Variants in CADM1 observed in about 807,000 individuals in gnomAD.
CADM1 encodes the protein cell adhesion molecule 1.
Under a neutral mutation model 53.1 loss-of-function variants are expected in CADM1, and 15 were observed. That is an observed-to-expected ratio of 0.28 (90% confidence interval 0.19 to 0.44). CADM1 has a LOEUF of 0.44. CADM1 is among the 20% of genes least tolerant of loss of function. CADM1 has a pLI of 1.00. For synonymous variants in CADM1, 281 were observed against 243.0 expected, an observed-to-expected ratio of 1.16 and a Z score of -1.45; for missense variants, 434 against 611.3, an observed-to-expected ratio of 0.71 and a Z score of 3.06.
intron 1 of CADM1, among the ~76,000 whole-genome samples, chr11:115,274,903 G>C (rs1371393539): frequency 1.3e-5 from 2 of 152,026 alleles, no homozygotes; most frequent in Non-Finnish European, 2.9e-5. Context: ...CTCCTGCCCT[G>C]GGTCCTCTAC....
chr11:115,445,464 T>C (rs1948427111), intron 1 of CADM1, among the ~76,000 whole-genome samples: 1 of 151,820 alleles, frequency 6.6e-6, no homozygotes, highest in African/African-American at 2.4e-5. Flanking sequence ...AAATCCATAA[T>C]AATGTTATAC....
intron 1 of CADM1, among the ~76,000 whole-genome samples, chr11:115,349,276 C>T (rs1275913294): frequency 6.6e-6 from 1 of 151,986 alleles, no homozygotes; most frequent in Non-Finnish European, 1.5e-5. Flanking sequence ...AAATATAAAC[C>T]TATTAGTTTT....
chr11:115,349,140 C>T (rs368235811), intron 1 of CADM1, among the ~76,000 whole-genome samples: 1 of 152,152 alleles, frequency 6.6e-6, no homozygotes, highest in South Asian at 2.1e-4. Context: ...ATATGTGTCG[C>T]TCCTTTCTAA....
At chr11:115,319,533 T>C (rs1257971268) in intron 1 of CADM1, among the ~76,000 whole-genome samples, 1 of 152,214 alleles carries the variant, frequency 6.6e-6, no homozygotes, top group East Asian at 1.9e-4. Context: ...TAGAATTATA[T>C]TCCCATTTAC....
chr11:115,441,297 AATG>A (rs1948305787), intron 1 of CADM1, among the ~76,000 whole-genome samples: 2 of 152,162 alleles, frequency 1.3e-5, no homozygotes, highest in African/African-American at 4.8e-5. Flanking sequence ...CACCAATGAA[AATG>A]ATGACTCAAT....
chr11:115,449,327 T>C (rs1304909208), intron 1 of CADM1, among the ~76,000 whole-genome samples: 2 of 152,214 alleles, frequency 1.3e-5, no homozygotes, highest in Non-Finnish European at 2.9e-5. Context: ...AAATAATGAT[T>C]GTGCTTGGTA....
At chr11:115,431,174 T>C (rs1948038434) in intron 1 of CADM1, among the ~76,000 whole-genome samples, 2 of 152,138 alleles carry the variant, frequency 1.3e-5, no homozygotes, top group South Asian at 4.1e-4. Flanking sequence ...TACTGTAAAA[T>C]ATATGCAAAG....
At chr11:115,497,557 A>G (rs947753140) in intron 1 of CADM1, among the ~76,000 whole-genome samples, 1 of 152,240 alleles carries the variant, frequency 6.6e-6, no homozygotes, top group Non-Finnish European at 1.5e-5. Context: ...AGCACTTGGA[A>G]GATCTTCAAA....
intron 1 of CADM1, among the ~76,000 whole-genome samples, chr11:115,308,311 G>A (rs1273659457): frequency 6.6e-6 from 1 of 151,326 alleles, no homozygotes; most frequent in African/African-American, 2.4e-5. Flanking sequence ...ACTGTCTATT[G>A]AAGAAACCCA....
At chr11:115,407,571 T>A (rs1283878063) in intron 1 of CADM1, among the ~76,000 whole-genome samples, 1 of 152,252 alleles carries the variant, frequency 6.6e-6, no homozygotes, top group East Asian at 1.9e-4. Flanking sequence ...TTATTTCAAA[T>A]TTAACTTCGA....
intron 1 of CADM1, among the ~76,000 whole-genome samples, chr11:115,308,211 T>TATACAC (rs139012671): frequency 2.0e-4 from 28 of 139,422 alleles, no homozygotes; most frequent in East Asian, 4.3e-4. Context: ...TATATATATA[T>TATACAC]ACACACCTAT....
At chr11:115,492,127 A>T (rs1422169791) in intron 1 of CADM1, among the ~76,000 whole-genome samples, 1 of 152,160 alleles carries the variant, frequency 6.6e-6, no homozygotes, top group Non-Finnish European at 1.5e-5. Context: ...TAAAAACAAA[A>T]GGCTTCTAAA....
chr11:115,496,836 G>A (rs1488133916), intron 1 of CADM1, among the ~76,000 whole-genome samples: 1 of 152,188 alleles, frequency 6.6e-6, no homozygotes, highest in Non-Finnish European at 1.5e-5. Context: ...GGGCCTTGGA[G>A]ACCAGGATGT....
chr11:115,384,557 G>C (rs1341922703), intron 1 of CADM1, among the ~76,000 whole-genome samples: 1 of 152,030 alleles, frequency 6.6e-6, no homozygotes, highest in Non-Finnish European at 1.5e-5. Flanking sequence ...TTTGCAACTG[G>C]GTAGCTTACT....
At chr11:115,385,856 T>C (rs1046658895) in intron 1 of CADM1, among the ~76,000 whole-genome samples, 3 of 152,188 alleles carry the variant, frequency 2.0e-5, no homozygotes, top group East Asian at 1.9e-4. Flanking sequence ...AACTGACCAG[T>C]ATAAAAAATA....
chr11:115,180,637 T>G (rs2134594049), intron 10 of CADM1, among the ~76,000 whole-genome samples: 1 of 152,264 alleles, frequency 6.6e-6, no homozygotes, highest in African/African-American at 2.4e-5. Flanking sequence ...ATTTTTTTTT[T>G]TTTCCTTTTT....
chr11:115,180,494 C>T lies in CADM1; in HGVS notation c.1166-1719G>A, dbSNP rs371663988. Among the ~76,000 whole-genome samples the T allele has an allele frequency of 8.5e-5, 13 of 152,274 alleles. No individual in the cohort carries two copies. The East Asian group carries it at 2.3e-3, about 27-fold the overall frequency. ...TGAGCTGAGCGAGCCCCTCCAGCAACGTGTCTAATAAGCTCAACTTGAAAA... is the reference window on the plus strand; with the variant it reads ...TGAGCTGAGCGAGCCCCTCCAGCAATGTGTCTAATAAGCTCAACTTGAAAA... On this transcript the variant is annotated intron_variant, in intron 10 of 11. Coordinates refer to ENST00000331581, the MANE Select transcript of CADM1 (RefSeq NM_001301043.2).
At chr11:115,247,270 C>T (rs949624982) in intron 1 of CADM1, among the ~76,000 whole-genome samples, 5 of 152,124 alleles carry the variant, frequency 3.3e-5, no homozygotes, top group Non-Finnish European at 5.9e-5. Context: ...AATGACAGCT[C>T]ATAACAAGGT....
chr11:115,196,440 A>G (rs1351699889), intron 9 of CADM1, among the ~76,000 whole-genome samples: 1 of 152,042 alleles, frequency 6.6e-6, no homozygotes, highest in Non-Finnish European at 1.5e-5. Context: ...TAGGAGACAA[A>G]TGGTCAATAT....
Sources: allele counts gnomAD v4.1 joint callset (sites outside exome capture counted in the v4.1 genomes callset), GRCh38; gene constraint gnomAD v4.1.1; transcripts MANE v1.5; gene names NCBI Gene and HGNC (gene_info 2026-07-23, HGNC 2026-07-21).